Variants in ETV4 observed in about 807,000 individuals in gnomAD.
ETV4 encodes ETS variant transcription factor 4.
In ETV4, 42 loss-of-function variants were observed where a neutral mutation model predicts 65.9. The observed-to-expected ratio is 0.64, with a 90% CI of 0.50 to 0.82. The LOEUF (loss-of-function observed/expected upper bound fraction) is 0.82, where lower values mean the gene tolerates loss of function less well. Ranked by LOEUF, ETV4 falls within the 40% of genes least tolerant of loss-of-function variation. The probability of loss-of-function intolerance (pLI) is 0.00; values close to 1 mark genes in which losing one functional copy is unlikely to be tolerated. For synonymous variants in ETV4, 238 were observed against 260.0 expected, an observed-to-expected ratio of 0.92 and a Z score of 0.81; for missense variants, 583 against 630.3, an observed-to-expected ratio of 0.92 and a Z score of 0.80.
At chr17:43,545,971 G>GTT (rs1321575002) in intron 1 of ETV4, 1 of 350,976 alleles carries the variant, frequency 2.8e-6, no homozygotes, top group East Asian at 6.2e-5. Flanking sequence ...GTGTGTGTGT[G>GTT]TGTGTGTGTA....
At chr17:43,532,304 T>A (rs1214816793) in intron 8 of ETV4, among the ~76,000 whole-genome samples, 1 of 152,074 alleles carries the variant, frequency 6.6e-6, no homozygotes, top group Non-Finnish European at 1.5e-5. Flanking sequence ...TTCGAGACCA[T>A]CCTGGCCAGC....
intron 4 of ETV4, among the ~76,000 whole-genome samples, chr17:43,539,813 T>C (rs1458068912): frequency 6.6e-6 from 1 of 152,240 alleles, no homozygotes; most frequent in Non-Finnish European, 1.5e-5. Flanking sequence ...GGTTGTGATA[T>C]GTTGCTTGGC....
chr17:43,544,122 C>G (rs1172797620), intron 4 of ETV4: 1 of 152,258 alleles, frequency 6.6e-6, no homozygotes, highest in Non-Finnish European at 1.5e-5. Flanking sequence ...CCTTCCCTCT[C>G]AGAGACTGTC....
chr17:43,545,983 G>GTGTA, intron 1 of ETV4: 4 of 227,176 alleles, frequency 1.8e-5, no homozygotes, highest in Non-Finnish European at 3.4e-5. Flanking sequence ...GTGTGTGTAC[G>GTGTA]CGCGCGCGCG....
chr17:43,541,738 G>A (rs775235414), intron 4 of ETV4, among the ~76,000 whole-genome samples: 6 of 152,104 alleles, frequency 3.9e-5, no homozygotes, highest in Non-Finnish European at 7.4e-5. Flanking sequence ...TTGTGTCACC[G>A]CTGTCCCTTA....
chr17:43,531,669 C>CA (rs1187774628), intron 8 of ETV4, among the ~76,000 whole-genome samples: 6 of 152,156 alleles, frequency 3.9e-5, no homozygotes, highest in African/African-American at 1.4e-4. Flanking sequence ...GACTCCATCT[C>CA]AAAACAAACA....
Position 43,529,674 on chromosome 17 carries a change from C to T in ETV4, c.958G>A (p.Asp320Asn), listed in dbSNP as rs752842316. 8.1e-6 allele frequency: 13 copies of T among 1,606,078 alleles called. 1 individual carries two copies. In the South Asian group the frequency reaches 1.4e-4, roughly 18 times the overall value. Residue 320 changes from aspartate (D) to asparagine (N), a missense_variant and splice_region_variant, in exon 11 of 13, where the codon GAC becomes AAC. Coordinates refer to ENST00000319349, the MANE Select transcript of ETV4 (RefSeq NM_001079675.5). ...VCVVPEKFEG[D>N]IKQEGVGAFR... ...GCACCGACCCCTTCCTGCTTGATGT[C>T]TCCTGGGGAACACGAAAATAGGAGG... is the stretch of plus-strand genomic sequence containing the variant.
At chr17:43,545,794 G>A in intron 1 of ETV4, 126 bp from the exon 2 acceptor site, 1 of 616,560 alleles carries the variant, frequency 1.6e-6, no homozygotes, top group South Asian at 2.0e-5. Flanking sequence ...GCGATGGCGA[G>A]GTTTCCGCCT....
intron 6 of ETV4, 79 bp downstream of exon 6, chr17:43,533,780 C>T (rs1971088128): frequency 6.4e-7 from 1 of 1,550,394 alleles, no homozygotes; most frequent in Non-Finnish European, 8.7e-7. Context: ...TCAGCTGCTG[C>T]CTCTGCTCAT....
At chr17:43,539,950 G>A (rs1971437200) in intron 4 of ETV4, among the ~76,000 whole-genome samples, 1 of 152,132 alleles carries the variant, frequency 6.6e-6, no homozygotes, top group African/African-American at 2.4e-5. Context: ...ACAATCACAA[G>A]CCACCAGCAG....
intron 2 of ETV4, 86 bp from the exon 3 acceptor site, chr17:43,545,453 G>T (rs1220990347): frequency 1.6e-5 from 23 of 1,462,346 alleles, no homozygotes; most frequent in Non-Finnish European, 1.9e-5. Context: ...TGACTCAGGG[G>T]CGGGGCAGCC....
At chr17:43,534,128 C>T in intron 5 of ETV4, 143 bp from the exon 6 acceptor site, 1 of 854,804 alleles carries the variant, frequency 1.2e-6, no homozygotes, top group Non-Finnish European at 1.6e-6. Context: ...TTTCTGAGAC[C>T]CGCAGTGAGA....
At chr17:43,543,075 C>T (rs1490593163) in intron 4 of ETV4, among the ~76,000 whole-genome samples, 1 of 151,992 alleles carries the variant, frequency 6.6e-6, no homozygotes, top group African/African-American at 2.4e-5. Context: ...TGAGAAGGAG[C>T]GATCGGCCTC....
At chr17:43,534,161 A>G (rs896984608) in intron 5 of ETV4, among the ~76,000 whole-genome samples, 176 bp from the exon 6 acceptor site, 1 of 152,182 alleles carries the variant, frequency 6.6e-6, no homozygotes, top group Non-Finnish European at 1.5e-5. Flanking sequence ...GGCTATTTAC[A>G]TTATGTCTAG....
chr17:43,545,235 G>GTGTGTC, intron 3 of ETV4, 39 bp downstream of exon 3: 7 of 1,227,410 alleles, frequency 5.7e-6, no homozygotes, highest in East Asian at 2.4e-5. Flanking sequence ...GTGTGTGTGT[G>GTGTGTC]GCGGAGGAGG....
rs1340245639 is a variant in ETV4, at chr17:43,528,208, C to T, written c.*311G>A. ...TCTCTGTCCCCCAGAACAGAACAAA[C>T]TCTTGTTCTCTGTGGTTGGGGAAAA... On this transcript the variant is annotated 3_prime_UTR_variant, in exon 13 of 13. Coordinates refer to ENST00000319349, the MANE Select transcript of ETV4 (RefSeq NM_001079675.5). 3 of 314,210 alleles carry T rather than the reference C, an allele frequency of 9.5e-6. No individual in the cohort carries two copies. The East Asian group carries it at 1.5e-4, about 15-fold the overall frequency. 19.5% of individuals were successfully genotyped at this position (314,210 alleles called of 1,614,324 possible).
intron 4 of ETV4, among the ~76,000 whole-genome samples, chr17:43,539,429 T>C (rs1457521515): frequency 6.6e-6 from 1 of 152,226 alleles, no homozygotes; most frequent in East Asian, 1.9e-4. Flanking sequence ...ATCTATGTTT[T>C]GTTTTCTCCC....
chr17:43,537,404 AG>A (rs1188170337), intron 4 of ETV4, among the ~76,000 whole-genome samples: 10 of 150,938 alleles, frequency 6.6e-5, no homozygotes, highest in Middle Eastern at 3.5e-3. Context: ...AAAATCACAT[AG>A]GGGGGTGGCT....
chr17:43,528,411 G>A lies in ETV4; in HGVS notation c.*108C>T, dbSNP rs1970691087. 2 of 752,226 alleles carry A rather than the reference G, an allele frequency of 2.7e-6. No homozygotes were observed. The highest frequency in any genetic ancestry group is 5.7e-5 in the Admixed American group (2 of 35,288). The allele number at this position is 752,226 out of a possible 1,614,324, so 46.6% of individuals were successfully genotyped here. ...GCAACTGGTAGGACAGTGGGGATCT[G>A]CCCCAGAGACATCTGTGGGTTTCAG... On this transcript the variant is annotated 3_prime_UTR_variant, in exon 13 of 13. Transcript: ENST00000319349.
Sources: allele counts gnomAD v4.1 joint callset (sites outside exome capture counted in the v4.1 genomes callset), GRCh38; gene constraint gnomAD v4.1.1; transcripts MANE v1.5; gene names NCBI Gene and HGNC (gene_info 2026-07-23, HGNC 2026-07-21).